LOXHD1: variants seen among roughly 807,000 people sequenced by gnomAD.
The protein encoded by LOXHD1 is lipoxygenase homology domain-containing protein 1.
In LOXHD1, 205 loss-of-function variants were observed where a neutral mutation model predicts 248.2. That is an observed-to-expected ratio of 0.83 (90% CI 0.74 to 0.93). The LOEUF is 0.93. LOXHD1 is among the 40% of genes least tolerant of loss of function. The pLI is 0.00. For missense variants in LOXHD1, 2,930 were observed against 2,971.6 expected, an observed-to-expected ratio of 0.99 and a Z score of 0.33; for synonymous variants, 1,113 against 1,162.8, an observed-to-expected ratio of 0.96 and a Z score of 0.87.
intron 28 of LOXHD1, 95 bp downstream of exon 28, chr18:46,533,067 G>A (rs542456260): frequency 8.2e-6 from 11 of 1,346,844 alleles, no homozygotes; most frequent in African/African-American, 1.5e-5. Flanking sequence ...CCTACTCCTG[G>A]GTGAAGAGGC....
intron 4 of LOXHD1, among the ~76,000 whole-genome samples, chr18:46,638,161 A>G (rs2038916406): frequency 6.6e-6 from 1 of 152,188 alleles, no homozygotes; most frequent in South Asian, 2.1e-4. Context: ...CCATTCATTT[A>G]AACTATATAT....
At chr18:46,579,556 G>A in intron 13 of LOXHD1, 74 bp downstream of exon 13, 2 of 1,539,410 alleles carry the variant, frequency 1.3e-6, no homozygotes, top group Middle Eastern at 1.7e-4. Context: ...ACTTTAACAG[G>A]GCAGGGAAGA....
intron 21 of LOXHD1, among the ~76,000 whole-genome samples, chr18:46,555,880 C>G (rs1230393854): frequency 6.6e-6 from 1 of 152,092 alleles, no homozygotes; most frequent in Non-Finnish European, 1.5e-5. Context: ...ACATAACACT[C>G]TCTTCCCAGC....
At chr18:46,591,868 G>A (rs1220043932) in intron 12 of LOXHD1, 65 bp downstream of exon 12, 2 of 1,539,132 alleles carry the variant, frequency 1.3e-6, no homozygotes, top group African/African-American at 2.7e-5. Flanking sequence ...TCATAGGTCA[G>A]GCCCATCGGG....
intron 32 of LOXHD1, 62 bp from the exon 33 acceptor site, chr18:46,521,344 G>C (rs2035571285): frequency 1.3e-6 from 2 of 1,519,062 alleles, no homozygotes; most frequent in Non-Finnish European, 1.8e-6. Context: ...AGTGCTCCCT[G>C]CCCAGCCCCC....
chr18:46,496,730 C>T (rs980860281), intron 37 of LOXHD1, among the ~76,000 whole-genome samples: 2 of 152,198 alleles, frequency 1.3e-5, no homozygotes, highest in African/African-American at 4.8e-5. Context: ...TGGCCAGTCA[C>T]AGTGGCTTAT....
At chr18:46,651,784 A>G (rs942298743) in intron 1 of LOXHD1, among the ~76,000 whole-genome samples, 5 of 152,142 alleles carry the variant, frequency 3.3e-5, no homozygotes, top group African/African-American at 9.7e-5. Flanking sequence ...AAAAATTCAC[A>G]TCAATCAATA....
chr18:46,560,048 T>TCCCAGCCCCC, intron 19 of LOXHD1, 35 bp downstream of exon 19: 24 of 1,226,288 alleles, frequency 2.0e-5, no homozygotes, highest in East Asian at 2.8e-5. Flanking sequence ...GTCTGGCCAC[T>TCCCAGCCCCC]CCCTCCCCAC....
intron 37 of LOXHD1, among the ~76,000 whole-genome samples, chr18:46,502,100 G>C (rs964479857): frequency 1.3e-5 from 2 of 152,172 alleles, no homozygotes; most frequent in East Asian, 1.9e-4. Context: ...GAATTGCTTT[G>C]CTATTGAGAA....
intron 10 of LOXHD1, among the ~76,000 whole-genome samples, chr18:46,592,830 T>C (rs1424732291): frequency 6.6e-6 from 1 of 152,022 alleles, no homozygotes; most frequent in East Asian, 1.9e-4. Context: ...TGAACAAAAA[T>C]AACGGCCCCA....
intron 4 of LOXHD1, among the ~76,000 whole-genome samples, chr18:46,638,120 G>C (rs2038915849): frequency 6.6e-6 from 1 of 152,116 alleles, no homozygotes; most frequent in African/African-American, 2.4e-5. Context: ...CACAGAAGTA[G>C]TCATGCTGTG....
chr18:46,606,394 C>T (rs1486350835), intron 6 of LOXHD1, among the ~76,000 whole-genome samples: 1 of 151,832 alleles, frequency 6.6e-6, no homozygotes, highest in East Asian at 1.9e-4. Flanking sequence ...AAACCGAAAT[C>T]CAAAATGCTC....
At position 46,505,850 on chromosome 18, in the gene LOXHD1, G is replaced by T. The variant is rs768105897; in HGVS notation, c.5866C>A (p.His1956Asn). 4.5e-6 allele frequency: 7 copies of T among 1,551,576 alleles called. No homozygotes were observed. Among genetic ancestry groups the T allele is most frequent in the Middle Eastern group, 3.3e-4 (2 of 6,014 alleles). The change falls in exon 37 of 41, where the codon CAC (histidine) becomes AAC (asparagine). Residue 1956 changes from histidine to asparagine, a missense_variant. Physicochemically the swap from His to Asn is moderately conservative, Grantham distance 68. Coordinates refer to ENST00000642948, the MANE Select transcript of LOXHD1 (RefSeq NM_001384474.1). The stretch of plus-strand genomic sequence containing the variant: ...GAGTGGGAGCTACCTTTGTTGTCGT[G>T]CCAGACCCTCAGCTTGCAGAGGTGG... The part of the protein sequence containing the change: ...LGHLCKLRVW[H>N]DNKGIFPGWH...
At chr18:46,503,449 T>C (rs1173294520) in intron 37 of LOXHD1, among the ~76,000 whole-genome samples, 1 of 152,182 alleles carries the variant, frequency 6.6e-6, no homozygotes, top group Non-Finnish European at 1.5e-5. Context: ...GACTACGTGA[T>C]CACTGTTGAG....
intron 29 of LOXHD1, among the ~76,000 whole-genome samples, chr18:46,528,727 C>A (rs944525683): frequency 2.6e-5 from 4 of 152,140 alleles, no homozygotes; most frequent in Non-Finnish European, 5.9e-5. Flanking sequence ...GAAACTGAGG[C>A]CAGAGAAGTT....
intron 5 of LOXHD1, among the ~76,000 whole-genome samples, chr18:46,615,452 G>A (rs2038572818): frequency 6.6e-6 from 1 of 152,162 alleles, no homozygotes; most frequent in African/African-American, 2.4e-5. Flanking sequence ...TATAACATGT[G>A]CCATCAGATT....
chr18:46,512,754 T>A (rs2035040206), intron 34 of LOXHD1, among the ~76,000 whole-genome samples: 1 of 152,230 alleles, frequency 6.6e-6, no homozygotes, highest in Admixed American at 6.5e-5. Flanking sequence ...TGTCAACATC[T>A]GACCAATCTC....
chr18:46,530,947 G>C (rs2036038696), intron 28 of LOXHD1, among the ~76,000 whole-genome samples: 1 of 152,096 alleles, frequency 6.6e-6, no homozygotes, highest in East Asian at 1.9e-4. Flanking sequence ...CTCCAACCCA[G>C]GTCCTTCCTT....
chr18:46,584,509 A>T (rs1471472327), intron 12 of LOXHD1, among the ~76,000 whole-genome samples: 1 of 152,154 alleles, frequency 6.6e-6, no homozygotes, highest in East Asian at 1.9e-4. Flanking sequence ...AAATACATAC[A>T]ATTACAATAT....
Sources: gnomAD v4.1 joint callset for allele counts (sites outside exome capture counted in the v4.1 genomes callset) on GRCh38, gnomAD v4.1.1 for gene constraint, MANE v1.5 for transcripts, NCBI Gene and HGNC (gene_info 2026-07-23, HGNC 2026-07-21) for gene names.